The following GBP7 variants were observed in gnomAD, a reference collection of about 807,000 sequenced individuals.
GBP7 encodes guanylate-binding protein 7.
Under a neutral mutation model 61.3 loss-of-function variants are expected in GBP7, and 43 were observed. The ratio of observed to expected loss-of-function variants is 0.70; its 90% confidence interval spans 0.55 to 0.91. The LOEUF (loss-of-function observed/expected upper bound fraction) is 0.91. Among genes scored for constraint, GBP7 ranks in the 40% least tolerant of loss-of-function variants. The pLI is 0.00. For synonymous variants in GBP7, 267 were observed against 271.0 expected, an observed-to-expected ratio of 0.99 and a Z score of 0.14; for missense variants, 717 against 740.5, an observed-to-expected ratio of 0.97 and a Z score of 0.37.
chr1:89,160,233 G>T (rs922050229), intron 3 of GBP7, among the ~76,000 whole-genome samples: 1 of 152,104 alleles, frequency 6.6e-6, no homozygotes, highest in African/African-American at 2.4e-5. Flanking sequence ...AGTGTGGAGG[G>T]ATAGCATTAG....
At chr1:89,150,836 T>G (rs79183599) in intron 5 of GBP7, among the ~76,000 whole-genome samples, 151 of 152,296 alleles carry the variant, frequency 9.9e-4, no homozygotes, top group Non-Finnish European at 1.8e-3. Flanking sequence ...AATTTGTGGT[T>G]GGTTTCCTCA....
At position 89,144,952 on chromosome 1, in the gene GBP7, CTT is replaced by C. The variant is rs71084939; in HGVS notation, c.1365+2613_1365+2614del. Among the ~76,000 whole-genome samples, 694 of 99,138 alleles carry C rather than the reference CTT, an allele frequency of 7.0e-3. 5 individuals carry two copies. The highest frequency in any genetic ancestry group is 0.021 in the African/African-American group (508 of 23,956). 65.0% of individuals were successfully genotyped at this position (99,138 alleles called of 152,430 possible). A position where few individuals can be genotyped will look rare whatever the true frequency, so the allele number is the denominator to read the frequency against. The stretch of plus-strand genomic sequence containing the variant: ...ACTCTCTGTTAATGTGACTTTCACT[CTT>C]TTTTTTTTTTTTTTTTTGAGACGGA... On this transcript the variant is annotated intron_variant, in intron 8 of 10. Coordinates refer to ENST00000294671, the MANE Select transcript of GBP7 (RefSeq NM_207398.3).
At chr1:89,149,688 C>A (rs1682148798) in intron 6 of GBP7, 116 bp from the exon 7 acceptor site, 3 of 785,640 alleles carry the variant, frequency 3.8e-6, no homozygotes, top group African/African-American at 3.5e-5. Context: ...TGAATTTTCC[C>A]TCCTTCTCCT....
chr1:89,150,562 T>G lies in GBP7; in HGVS notation c.639A>C (p.Gln213His). 1.9e-6 allele frequency: 3 copies of G among 1,613,590 alleles called. No homozygotes were observed. Among genetic ancestry groups the G allele is most frequent in the Non-Finnish European group, 2.5e-6 (3 of 1,179,616 alleles). Residue 213 changes from glutamine (Q) to histidine (H), a missense_variant, in exon 6 of 11, where the codon CAA becomes CAC. Gln to His is a conservative substitution (Grantham distance 24, BLOSUM62 0). Around this residue, in one of 3 missense-constraint regions of GBP7, gnomAD observed 387 missense variants for 385.2 expected, o/e 1.00. Transcript: ENST00000294671. Reference sequence around the variant, plus strand: ...CCCTGGGCTTGTTAGAATTTTGGATTTGGGGATTCTTGCCTGCAGAATTAG... The same window carrying G: ...CCCTGGGCTTGTTAGAATTTTGGATGTGGGGATTCTTGCCTGCAGAATTAG... ...ALKLISGKNP[Q>H]IQNSNKPREW...
Position 89,150,501 on chromosome 1 carries a change from A to C in GBP7, c.700T>G (p.Phe234Val). ...IRHFFPKQKC[F>V]VFDRPINDKK... is the part of the protein sequence containing the mutation. ...TCATTTATTGGCCGGTCAAAGACAA[A>C]GCACTTCTGTTTTGGAAAGAAATGC... Residue 234 changes from phenylalanine (F) to valine (V), a missense_variant, in exon 6 of 11, where the codon TTT becomes GTT. Phe to Val is a conservative substitution (Grantham distance 50, BLOSUM62 -1). This residue lies in a region of GBP7 where 387 missense variants were observed against 385.2 expected (regional missense o/e 1.00). Coordinates refer to ENST00000294671, the MANE Select transcript of GBP7 (RefSeq NM_207398.3). The C allele has an allele frequency of 6.2e-7, 1 of 1,614,088 alleles. No individual in the cohort carries two copies.
intron 10 of GBP7, among the ~76,000 whole-genome samples, chr1:89,133,044 G>T (rs187771587): frequency 1.3e-5 from 2 of 152,208 alleles, no homozygotes; most frequent in Non-Finnish European, 2.9e-5. Context: ...CCTGGGGGAT[G>T]TCATGTGTAC....
intron 3 of GBP7, among the ~76,000 whole-genome samples, chr1:89,154,967 A>T (rs1364327663): frequency 6.6e-6 from 1 of 152,012 alleles, no homozygotes; most frequent in Non-Finnish European, 1.5e-5. Context: ...GCCGACTGAC[A>T]CCTCAAACAG....
chr1:89,162,629 T>C (rs1054372387), intron 3 of GBP7, among the ~76,000 whole-genome samples: 2 of 152,242 alleles, frequency 1.3e-5, no homozygotes, highest in African/African-American at 4.8e-5. Context: ...GAGACTTTGC[T>C]GAAGTTGTTT....
rs190241183 is a variant in GBP7 at position 89,143,767 on chromosome 1, C to T, written c.1366-2119G>A. Among the ~76,000 whole-genome samples, 487 of 152,268 alleles carry T rather than the reference C, an allele frequency of 3.2e-3. 2 individuals carry two copies. Among genetic ancestry groups the T allele is most frequent in the African/African-American group, 0.011 (466 of 41,546 alleles). Reference sequence around the variant, plus strand: ...ACCAGACCTCCAGAGAACTCACTATCACACAGACAGCAGCAAGCCATAAAG... The same window carrying T: ...ACCAGACCTCCAGAGAACTCACTATTACACAGACAGCAGCAAGCCATAAAG... On this transcript the variant is annotated intron_variant, in intron 8 of 10. Coordinates refer to ENST00000294671, the MANE Select transcript of GBP7 (RefSeq NM_207398.3).
chr1:89,159,988 T>TA (rs1682400240), intron 3 of GBP7, among the ~76,000 whole-genome samples: 1 of 151,452 alleles, frequency 6.6e-6, no homozygotes, highest in African/African-American at 2.4e-5. Flanking sequence ...TAGACTGGAG[T>TA]AAAAAAACAT....
chr1:89,152,761 T>C lies in GBP7; in HGVS notation c.335A>G (p.Asp112Gly). The change falls in exon 4 of 11, where the codon GAC becomes GGC. Residue 112 changes from aspartate (D) to glycine (G), a missense_variant. By Grantham distance (94) the Asp-to-Gly change is moderately conservative. Transcript: ENST00000294671. ...CACAGCCAGGGCAAAGATCCACGAGTCACTCTTAGGGTCACTCTAGTGTTA... is the reference window on the plus strand; with the variant it reads ...CACAGCCAGGGCAAAGATCCACGAGCCACTCTTAGGGTCACTCTAGTGTTA... ...GDMEKSDPKS[D>G]SWIFALAVLL... 6.2e-7 allele frequency: 1 copy of C among 1,606,360 alleles called. No individual in the cohort carries two copies.
Position 89,133,275 on chromosome 1 carries a change from A to C in GBP7, c.1645T>G (p.Leu549Val). ...ENYMRELRKM[L>V]SHKMKVLEEL... ...AGACTCACCTTCATCTTGTGACTCA[A>C]CATCTTTCTCAGTTCTCTCATATAG... The change falls in exon 10 of 11, where the codon TTG becomes GTG. Residue 549 changes from leucine (L) to valine (V), a missense_variant. By Grantham distance (32) the Leu-to-Val change is conservative (BLOSUM62 1). Around this residue, in one of 3 missense-constraint regions of GBP7, gnomAD observed 312 missense variants for 310.1 expected, o/e 1.01. Transcript: ENST00000294671. 1.3e-6 allele frequency: 2 copies of C among 1,589,714 alleles called. No individual in the cohort carries two copies. Among genetic ancestry groups the C allele is most frequent in the South Asian group, 2.3e-5 (2 of 88,852 alleles).
chr1:89,169,578 A>G (rs879771013), intron 2 of GBP7, among the ~76,000 whole-genome samples: 1 of 152,168 alleles, frequency 6.6e-6, no homozygotes, highest in Non-Finnish European at 1.5e-5. Context: ...TAAATTTTGA[A>G]TTCTTCTAGG....
chr1:89,174,170 A>G (rs1647677342), intron 1 of GBP7, among the ~76,000 whole-genome samples: 1 of 152,196 alleles, frequency 6.6e-6, no homozygotes, highest in African/African-American at 2.4e-5. Context: ...GATTGTTTCA[A>G]ATATTTTGCA....
At chr1:89,164,897 G>C in intron 2 of GBP7, 39 bp from the exon 3 acceptor site, 1 of 1,608,886 alleles carries the variant, frequency 6.2e-7, no homozygotes, top group Non-Finnish European at 8.5e-7. Flanking sequence ...AGTGACAGCA[G>C]AATCCAGGCA....
intron 3 of GBP7, among the ~76,000 whole-genome samples, chr1:89,158,098 C>T (rs1682357695): frequency 6.6e-6 from 1 of 152,106 alleles, no homozygotes; most frequent in African/African-American, 2.4e-5. Flanking sequence ...TAAACAGAAC[C>T]AAAGACAAAA....
At chr1:89,154,956 G>A (rs1292708016) in intron 3 of GBP7, among the ~76,000 whole-genome samples, 6 of 152,062 alleles carry the variant, frequency 3.9e-5, no homozygotes, top group African/African-American at 1.4e-4. Context: ...TCCCAGTAGG[G>A]GCCGACTGAC....
rs369483266 is a variant in GBP7 at position 89,165,755 on chromosome 1, A to G, written c.191-897T>C. On this transcript the variant is annotated intron_variant, in intron 2 of 10. Transcript: ENST00000294671. ...GACACAGGGAGGGGAACATCACACA[A>G]CAGGGCCTGTTGGGGGGTGGGGGCT... 4.2e-3 allele frequency among the ~76,000 whole-genome samples: 611 copies of G among 143,980 alleles called. 4 individuals are homozygous for G. Among genetic ancestry groups the G allele is most frequent in the African/African-American group, 0.014 (560 of 39,700 alleles). 94.5% of individuals were successfully genotyped at this position (143,980 alleles called of 152,430 possible).
rs1007578133 is a variant in GBP7, at chr1:89,175,286, GA to G, written c.-20+634del. ...CTTCCCATCACTTCAGCAGAAGATG[GA>G]AAAAAAGCCGTTTATTTTTCTGTGA... On this transcript the variant is annotated intron_variant, in intron 1 of 10. Coordinates refer to ENST00000294671, the MANE Select transcript of GBP7 (RefSeq NM_207398.3). Among the ~76,000 whole-genome samples the G allele has an allele frequency of 3.3e-5, 5 of 152,138 alleles. No homozygotes were observed. The South Asian group carries it at 6.2e-4, about 19-fold the overall frequency.
Sources: allele counts gnomAD v4.1 joint callset (sites outside exome capture counted in the v4.1 genomes callset), GRCh38; gene constraint gnomAD v4.1.1; regional missense constraint gnomAD v4.1.1; transcripts MANE v1.5; gene names NCBI Gene and HGNC (gene_info 2026-07-23, HGNC 2026-07-21).